The following CDK8 variants were observed in gnomAD, a reference collection of about 807,000 sequenced individuals.
CDK8 encodes the protein cyclin dependent kinase 8.
A neutral mutation model predicts 71.5 loss-of-function variants in CDK8; 29 were observed. The observed-to-expected ratio is 0.41, with a 90% CI of 0.30 to 0.55. The LOEUF is 0.55. CDK8 is among the 20% of genes least tolerant of loss of function. The pLI is 0.37. For synonymous variants in CDK8, 161 were observed against 192.1 expected (o/e 0.84, Z 1.34); for missense variants, 288 against 572.6 (o/e 0.50, Z 5.07).
intron 1 of CDK8, among the ~76,000 whole-genome samples, chr13:26,310,368 GA>G (rs375042039): frequency 3.9e-5 from 6 of 152,154 alleles, no homozygotes; most frequent in African/African-American, 1.4e-4. Context: ...TGGTTTTGTG[GA>G]AAACAATTTT....
At position 26,275,654 on chromosome 13, in the gene CDK8, T is replaced by G. The variant is rs140226033; in HGVS notation, c.128+20885T>G. On this transcript the variant is annotated intron_variant, in intron 1 of 12. Coordinates refer to ENST00000381527, the MANE Select transcript of CDK8 (RefSeq NM_001260.3). ...TTTAACTATTACAGAATTTAAAAAA[T>G]GTACTCCAAAGTAGAGACGGTTCAA... is the stretch of plus-strand genomic sequence containing the variant. Among the ~76,000 whole-genome samples, 605 of 152,356 alleles carry G rather than the reference T, an allele frequency of 4.0e-3. 7 individuals are homozygous for G. The highest frequency in any genetic ancestry group is 0.014 in the African/African-American group (570 of 41,576).
chr13:26,357,614 G>A (rs1367867047), intron 4 of CDK8, among the ~76,000 whole-genome samples: 2 of 152,140 alleles, frequency 1.3e-5, no homozygotes, highest in African/African-American at 4.8e-5. Flanking sequence ...ATACTGCTTA[G>A]GGTTCTCCAG....
chr13:26,343,541 C>G (rs536846329), intron 2 of CDK8, among the ~76,000 whole-genome samples: 8 of 152,174 alleles, frequency 5.3e-5, no homozygotes, highest in Non-Finnish European at 1.0e-4. Flanking sequence ...CAAGGTCCCC[C>G]CAAAACAAAG....
chr13:26,292,536 T>C (rs1351042220), intron 1 of CDK8, among the ~76,000 whole-genome samples: 2 of 152,188 alleles, frequency 1.3e-5, no homozygotes, highest in Non-Finnish European at 2.9e-5. Context: ...TCTGCTCACA[T>C]CACTTTTTCT....
At chr13:26,348,991 G>A (rs754438959) in intron 2 of CDK8, 81 bp from the exon 3 acceptor site, 7 of 844,514 alleles carry the variant, frequency 8.3e-6, no homozygotes, top group Non-Finnish European at 1.4e-5. Flanking sequence ...GGTTTGTATT[G>A]CCTTTGAATT....
intron 1 of CDK8, among the ~76,000 whole-genome samples, chr13:26,295,013 T>C (rs565059698): frequency 1.3e-3 from 198 of 152,322 alleles, no homozygotes; most frequent in African/African-American, 4.6e-3. Context: ...CCCAAAGTGC[T>C]GGGATTACAG....
intron 1 of CDK8, among the ~76,000 whole-genome samples, chr13:26,255,712 T>G (rs534707049): frequency 6.6e-6 from 1 of 152,332 alleles, no homozygotes; most frequent in South Asian, 2.1e-4. Context: ...TTTGACAGAA[T>G]AGAAAATTAT....
chr13:26,276,825 G>A (rs138573213), intron 1 of CDK8, among the ~76,000 whole-genome samples: 62 of 152,204 alleles, frequency 4.1e-4, no homozygotes, highest in Non-Finnish European at 7.8e-4. Context: ...AGTTTCTGTA[G>A]GACTGACATA....
At chr13:26,395,993 T>C (rs1875973963) in intron 7 of CDK8, among the ~76,000 whole-genome samples, 1 of 152,170 alleles carries the variant, frequency 6.6e-6, no homozygotes, top group Non-Finnish European at 1.5e-5. Context: ...AATAGAAATA[T>C]GTATAACTTA....
rs1555231155 is a variant in CDK8, at chr13:26,339,756, A to AAT, written c.204+2130_204+2131dup. On this transcript the variant is annotated intron_variant, in intron 2 of 12. Transcript: ENST00000381527. ...TATTTATATAATTACTTAAAAAAAA[A>AAT]ATATATATATATATATAGTGTAGTA... Among the ~76,000 whole-genome samples, 394 of 142,970 alleles carry AAT rather than the reference A, an allele frequency of 2.8e-3. 1 individual carries two copies. The highest frequency in any genetic ancestry group is 8.1e-3 in the East Asian group (41 of 5,032). The allele number at this position is 142,970 out of a possible 152,430, so 93.8% of individuals were successfully genotyped here.
At chr13:26,388,427 A>G (rs1875583306) in intron 6 of CDK8, among the ~76,000 whole-genome samples, 1 of 152,220 alleles carries the variant, frequency 6.6e-6, no homozygotes, top group African/African-American at 2.4e-5. Context: ...TTAAGGACAT[A>G]TATAAACTAA....
intron 1 of CDK8, among the ~76,000 whole-genome samples, chr13:26,317,649 A>G (rs1007279891): frequency 6.6e-6 from 1 of 152,216 alleles, no homozygotes; most frequent in Admixed American, 6.5e-5. Flanking sequence ...AAACTGGACA[A>G]TTCACAAAAT....
chr13:26,323,321 GA>G lies in CDK8; in HGVS notation c.129-14245del, dbSNP rs1565972507. On this transcript the variant is annotated intron_variant, in intron 1 of 12. Coordinates refer to ENST00000381527, the MANE Select transcript of CDK8 (RefSeq NM_001260.3). ...TGTGAGAGAGAGAGAGAGAGAGAGA[GA>G]GAGAGGGAGAGAGAGAGGGAGAGGG... Among the ~76,000 whole-genome samples the G allele has an allele frequency of 5.7e-5, 7 of 122,934 alleles. No individual in the cohort carries two copies. The South Asian group carries it at 8.6e-4, about 15-fold the overall frequency. 80.6% of individuals were successfully genotyped at this position (122,934 alleles called of 152,430 possible). A position where few individuals can be genotyped will look rare whatever the true frequency, so the allele number is the denominator to read the frequency against.
intron 4 of CDK8, among the ~76,000 whole-genome samples, chr13:26,368,602 A>G (rs547927447): frequency 6.6e-6 from 1 of 152,346 alleles, no homozygotes; most frequent in South Asian, 2.1e-4. Flanking sequence ...CATGAAATGC[A>G]TTTTCTTCTT....
chr13:26,357,770 TC>T (rs1199793539), intron 4 of CDK8, among the ~76,000 whole-genome samples: 2 of 152,202 alleles, frequency 1.3e-5, no homozygotes, highest in Non-Finnish European at 2.9e-5. Context: ...TTAGCTCTAG[TC>T]CAAAGACAGT....
intron 6 of CDK8, among the ~76,000 whole-genome samples, chr13:26,388,833 C>T (rs543451930): frequency 6.6e-6 from 1 of 152,208 alleles, no homozygotes; most frequent in East Asian, 1.9e-4. Flanking sequence ...GGAGAGAGGC[C>T]TTTCTTCATA....
In CDK8 at chr13:26,315,952, G is replaced by C. The variant is rs534848680; in HGVS notation, c.129-21615G>C. ...CTGTTGAAGGCTTGTAAGTTCCAGGGGAAGATTTGGAAGTAAGTTGCAGTT... is the reference window on the plus strand; with the variant it reads ...CTGTTGAAGGCTTGTAAGTTCCAGGCGAAGATTTGGAAGTAAGTTGCAGTT... On this transcript the variant is annotated intron_variant, in intron 1 of 12. Transcript: ENST00000381527. Among the ~76,000 whole-genome samples the C allele has an allele frequency of 4.6e-5, 7 of 152,248 alleles. No individual in the cohort carries two copies. The South Asian group carries it at 1.5e-3, about 32-fold the overall frequency.
At chr13:26,375,506 A>T (rs1305686618) in intron 4 of CDK8, among the ~76,000 whole-genome samples, 1 of 152,256 alleles carries the variant, frequency 6.6e-6, no homozygotes, top group Non-Finnish European at 1.5e-5. Flanking sequence ...AGTAAATTTG[A>T]TGATACATAA....
intron 1 of CDK8, among the ~76,000 whole-genome samples, chr13:26,326,990 G>A (rs1405915326): frequency 1.3e-5 from 2 of 152,104 alleles, no homozygotes; most frequent in African/African-American, 2.4e-5. Context: ...TGAATAGTGA[G>A]GAATCTGACA....
Sources: allele counts gnomAD v4.1 joint callset (sites outside exome capture counted in the v4.1 genomes callset), GRCh38; gene constraint gnomAD v4.1.1; transcripts MANE v1.5; gene names NCBI Gene and HGNC (gene_info 2026-07-23, HGNC 2026-07-21).